Variants in PTPRD observed in about 807,000 individuals in gnomAD.
PTPRD encodes receptor-type tyrosine-protein phosphatase delta.
Under a neutral mutation model 214.5 loss-of-function variants are expected in PTPRD, and 34 were observed. The observed-to-expected ratio is 0.16, with a 90% confidence interval of 0.12 to 0.21. The LOEUF (loss-of-function observed/expected upper bound fraction) is 0.21, where lower values mean the gene tolerates loss of function less well. Among genes scored for constraint, PTPRD ranks in the 10% least tolerant of loss-of-function variants. PTPRD has a pLI of 1.00. For synonymous variants in PTPRD, 1,128 were observed against 845.7 expected, an observed-to-expected ratio of 1.33 and a Z score of -5.79; for missense variants, 2,545 against 2,398.7, an observed-to-expected ratio of 1.06 and a Z score of -1.27.
intron 2 of PTPRD, among the ~76,000 whole-genome samples, chr9:10,507,706 C>T (rs1021279526): frequency 1.3e-5 from 2 of 152,062 alleles, no homozygotes; most frequent in African/African-American, 2.4e-5. Flanking sequence ...GGAAAGGAGT[C>T]GCTATTTAAT....
intron 11 of PTPRD, among the ~76,000 whole-genome samples, chr9:8,914,588 A>G (rs2154263909): frequency 6.6e-6 from 1 of 152,292 alleles, no homozygotes; most frequent in Admixed American, 6.5e-5. Context: ...ATAGAATTAT[A>G]ACAGTTTGAA....
At chr9:9,043,300 A>G (rs544532632) in intron 10 of PTPRD, among the ~76,000 whole-genome samples, 1 of 152,274 alleles carries the variant, frequency 6.6e-6, no homozygotes, top group South Asian at 2.1e-4. Flanking sequence ...GTCATTTTTA[A>G]TACCTGATGC....
At chr9:10,584,806 A>T (rs1354217057) in intron 2 of PTPRD, among the ~76,000 whole-genome samples, 3 of 152,204 alleles carry the variant, frequency 2.0e-5, no homozygotes, top group African/African-American at 7.2e-5. Flanking sequence ...TGAATAAAAC[A>T]TAAGAAGTAT....
At chr9:8,764,307 T>A (rs1161381527) in intron 11 of PTPRD, among the ~76,000 whole-genome samples, 1 of 152,218 alleles carries the variant, frequency 6.6e-6, no homozygotes, top group Non-Finnish European at 1.5e-5. Flanking sequence ...AGGAAAACTC[T>A]TGATTCAGAT....
At chr9:8,323,863 C>G (rs1481490891) in intron 44 of PTPRD, among the ~76,000 whole-genome samples, 6 of 152,178 alleles carry the variant, frequency 3.9e-5, no homozygotes, top group Non-Finnish European at 7.3e-5. Context: ...GAAAGAAGTT[C>G]TACTGTGAGT....
intron 2 of PTPRD, among the ~76,000 whole-genome samples, chr9:10,368,896 A>T (rs2097561744): frequency 6.6e-6 from 1 of 152,170 alleles, no homozygotes; most frequent in Non-Finnish European, 1.5e-5. Flanking sequence ...TTGAGCTTAA[A>T]AAGATGAAGT....
intron 3 of PTPRD, among the ~76,000 whole-genome samples, chr9:10,151,311 A>G (rs1271253533): frequency 0.04 from 2,839 of 70,668 alleles, no homozygotes; most frequent in Middle Eastern, 0.19. Context: ...TTACCAGGCT[A>G]GAGTACAGTG....
rs1566960080 is a variant in PTPRD at position 10,565,051 on chromosome 9, A to AT, written c.-600+47346dup. Among the ~76,000 whole-genome samples, 4 of 152,178 alleles carry AT rather than the reference A, an allele frequency of 2.6e-5. No homozygotes were observed. The South Asian group carries it at 6.2e-4, about 24-fold the overall frequency. On this transcript the variant is annotated intron_variant, in intron 2 of 45. Coordinates refer to ENST00000381196, the MANE Select transcript of PTPRD (RefSeq NM_002839.4). Reference sequence around the variant, plus strand: ...CATGAAGGAATTCCTAATGTAGCATATTTTTTATAAGCCATGTATTGCTCA... The same window carrying AT: ...CATGAAGGAATTCCTAATGTAGCATATTTTTTTATAAGCCATGTATTGCTCA...
intron 27 of PTPRD, among the ~76,000 whole-genome samples, chr9:8,491,817 C>T (rs147437687): frequency 5.6e-4 from 85 of 152,256 alleles, no homozygotes; most frequent in African/African-American, 2.0e-3. Context: ...CGCAGGAGGG[C>T]ACTCAACATC....
chr9:9,880,577 T>C (rs537217340), intron 5 of PTPRD, among the ~76,000 whole-genome samples: 50 of 152,184 alleles, frequency 3.3e-4, no homozygotes, highest in Non-Finnish European at 6.5e-4. Flanking sequence ...CTAGTTTACT[T>C]TACCTTGGCT....
At chr9:10,159,177 G>A (rs1313604343) in intron 3 of PTPRD, among the ~76,000 whole-genome samples, 4 of 151,334 alleles carry the variant, frequency 2.6e-5, no homozygotes, top group African/African-American at 4.9e-5. Flanking sequence ...CAAAAATGTG[G>A]GGAGAAAAAG....
At chr9:8,881,224 A>G (rs746116482) in intron 11 of PTPRD, among the ~76,000 whole-genome samples, 35 of 152,248 alleles carry the variant, frequency 2.3e-4, no homozygotes, top group Non-Finnish European at 4.6e-4. Flanking sequence ...CTGATCTCAC[A>G]GAACTAACAG....
chr9:8,329,682 T>C (rs982849956), intron 44 of PTPRD, among the ~76,000 whole-genome samples: 6 of 152,130 alleles, frequency 3.9e-5, no homozygotes, highest in South Asian at 2.1e-4. Flanking sequence ...AAGTCTGTGA[T>C]TGGGGCTGCT....
chr9:10,261,008 GTATATATGTGTGTATATATAT>G (rs1290846408), intron 3 of PTPRD, among the ~76,000 whole-genome samples: 5 of 146,514 alleles, frequency 3.4e-5, no homozygotes, highest in Non-Finnish European at 7.5e-5. Context: ...GTGTATATAT[GTATATATGTGTGTATATATAT>G]TATATATGTG....
intron 11 of PTPRD, among the ~76,000 whole-genome samples, chr9:8,913,274 A>C (rs1405784820): frequency 2.0e-5 from 3 of 152,148 alleles, no homozygotes; most frequent in Admixed American, 6.5e-5. Flanking sequence ...AAATGTGAGT[A>C]TTCCTTGTTG....
chr9:9,539,244 T>G (rs958786063), intron 8 of PTPRD, among the ~76,000 whole-genome samples: 5 of 151,796 alleles, frequency 3.3e-5, no homozygotes, highest in African/African-American at 4.8e-5. Context: ...GAAGAATCAG[T>G]GGCAGGTACC....
Position 8,650,474 on chromosome 9 carries a change from G to A in PTPRD, c.65-13630C>T, listed in dbSNP as rs1275351847. Reference sequence around the variant, plus strand: ...TGGGAGGCAGAGGTTGCGGTGAGCCGAGATCGTGTCATTGCACTCCAGCCT... The same window carrying A: ...TGGGAGGCAGAGGTTGCGGTGAGCCAAGATCGTGTCATTGCACTCCAGCCT... On this transcript the variant is annotated intron_variant, in intron 12 of 45. Transcript: ENST00000381196. Among the ~76,000 whole-genome samples the A allele has an allele frequency of 2.0e-5, 3 of 148,168 alleles. No individual in the cohort carries two copies. In the Admixed American group the frequency reaches 2.0e-4, roughly 10 times the overall value.
At chr9:10,463,972 C>G (rs1193241842) in intron 2 of PTPRD, among the ~76,000 whole-genome samples, 1 of 152,242 alleles carries the variant, frequency 6.6e-6, no homozygotes, top group South Asian at 2.1e-4. Flanking sequence ...ACATTCATTA[C>G]TATACACCAA....
At chr9:9,247,166 A>G (rs2099973419) in intron 9 of PTPRD, among the ~76,000 whole-genome samples, 1 of 152,052 alleles carries the variant, frequency 6.6e-6, no homozygotes, top group South Asian at 2.1e-4. Flanking sequence ...CTCTTGTCTG[A>G]TAGCAGGTCA....
Sources: gnomAD v4.1 joint callset for allele counts (sites outside exome capture counted in the v4.1 genomes callset) on GRCh38, gnomAD v4.1.1 for gene constraint, MANE v1.5 for transcripts, NCBI Gene and HGNC (gene_info 2026-07-23, HGNC 2026-07-21) for gene names.